DLC1: variants seen among roughly 807,000 people sequenced by gnomAD.
The protein encoded by DLC1 is rho GTPase-activating protein 7.
In DLC1, 54 loss-of-function variants were observed where a neutral mutation model predicts 140.3. The observed-to-expected ratio is 0.38, with a 90% CI of 0.31 to 0.48. The LOEUF (loss-of-function observed/expected upper bound fraction) is 0.48. Among genes scored for constraint, DLC1 ranks in the 20% least tolerant of loss-of-function variants. DLC1 has a pLI of 0.96. For missense variants in DLC1, 2,536 were observed against 1,907.0 expected, an observed-to-expected ratio of 1.33 and a Z score of -6.14; for synonymous variants, 986 against 728.1, an observed-to-expected ratio of 1.35 and a Z score of -5.70.
At chr8:13,159,810 G>T (rs1824540708) in intron 5 of DLC1, among the ~76,000 whole-genome samples, 1 of 150,868 alleles carries the variant, frequency 6.6e-6, no homozygotes, top group African/African-American at 2.4e-5. Context: ...GTGGCAAGAA[G>T]CAAGAAGGTA....
chr8:13,601,793 A>G (rs1025474110), intron 1 of DLC1, among the ~76,000 whole-genome samples: 1 of 151,834 alleles, frequency 6.6e-6, no homozygotes, highest in Non-Finnish European at 1.5e-5. Context: ...AAATGCAATC[A>G]TATATAACAA....
chr8:13,451,747 T>C (rs1259163486), intron 2 of DLC1, among the ~76,000 whole-genome samples: 1 of 152,218 alleles, frequency 6.6e-6, no homozygotes, highest in Non-Finnish European at 1.5e-5. Context: ...ATGGGGCACA[T>C]GTTCTTTATT....
At chr8:13,364,430 C>G (rs1835386606) in intron 4 of DLC1, among the ~76,000 whole-genome samples, 1 of 152,060 alleles carries the variant, frequency 6.6e-6, no homozygotes, top group Non-Finnish European at 1.5e-5. Flanking sequence ...TCCTGAGTAG[C>G]TGAGATTACA....
At chr8:13,249,414 C>G (rs1471347217) in intron 5 of DLC1, among the ~76,000 whole-genome samples, 2 of 152,132 alleles carry the variant, frequency 1.3e-5, no homozygotes, top group Non-Finnish European at 2.9e-5. Flanking sequence ...ATTGTCTCCA[C>G]TGCATTAAGA....
In DLC1 at chr8:13,102,654, G is replaced by GATATC. The variant is rs1819193589; in HGVS notation, c.1566+131_1566+135dup. 3.9e-6 allele frequency: 3 copies of GATATC among 763,378 alleles called. No homozygotes were observed. In the Admixed American group the frequency reaches 6.3e-5, roughly 16 times the overall value. The allele number at this position is 763,378 out of a possible 1,614,324, so 47.3% of individuals were successfully genotyped here. ...CTACATAAGGCTATCAAGTCTAGGC[G>GATATC]ATATCATTCAAGATGTAGATGCTTA... On this transcript the variant is annotated intron_variant, in intron 8 of 17. Coordinates refer to ENST00000276297, the MANE Select transcript of DLC1 (RefSeq NM_182643.3).
chr8:13,481,231 C>A (rs1022151263), intron 2 of DLC1, among the ~76,000 whole-genome samples: 2 of 152,114 alleles, frequency 1.3e-5, no homozygotes, highest in African/African-American at 2.4e-5. Context: ...TTGAGACCAG[C>A]CTGGGCAATA....
chr8:13,451,287 T>C (rs1799045759), intron 2 of DLC1, among the ~76,000 whole-genome samples: 1 of 152,112 alleles, frequency 6.6e-6, no homozygotes, highest in African/African-American at 2.4e-5. Flanking sequence ...TGAGATATTT[T>C]GGTACAGGCA....
chr8:13,479,716 G>A (rs1171285862), intron 2 of DLC1, among the ~76,000 whole-genome samples: 2 of 41,394 alleles, frequency 4.8e-5, no homozygotes, highest in Non-Finnish European at 1.8e-4. Context: ...GAGGCAGGAG[G>A]ATTGCTTGAG....
chr8:13,540,120 C>T (rs1252778249), intron 1 of DLC1, among the ~76,000 whole-genome samples: 1 of 152,132 alleles, frequency 6.6e-6, no homozygotes, highest in East Asian at 1.9e-4. Flanking sequence ...TGTGCTGATA[C>T]TCTATCAGTC....
intron 4 of DLC1, among the ~76,000 whole-genome samples, chr8:13,368,811 C>T (rs1224527233): frequency 6.6e-6 from 1 of 152,072 alleles, no homozygotes; most frequent in South Asian, 2.1e-4. Flanking sequence ...CCTGCTCAGT[C>T]CATCTCTGAT....
At chr8:13,545,718 C>A (rs1022931029) in intron 1 of DLC1, among the ~76,000 whole-genome samples, 2 of 151,858 alleles carry the variant, frequency 1.3e-5, no homozygotes, top group South Asian at 2.1e-4. Context: ...CCTGGCTGAA[C>A]CATTTGTGCT....
intron 4 of DLC1, among the ~76,000 whole-genome samples, chr8:13,326,823 C>A (rs113800316): frequency 1.3e-5 from 2 of 152,174 alleles, no homozygotes; most frequent in African/African-American, 4.8e-5. Flanking sequence ...CTCTAGGAAT[C>A]ATATTTTGAG....
In DLC1 at chr8:13,177,699, T is replaced by C. The variant is rs114909177; in HGVS notation, c.1349-62042A>G. ...CCTATATTTCTATTCATTTTTGCTTTTTTATATTTCAGATAGTATTCTAAT... is the reference window on the plus strand; with the variant it reads ...CCTATATTTCTATTCATTTTTGCTTCTTTATATTTCAGATAGTATTCTAAT... On this transcript the variant is annotated intron_variant, in intron 5 of 17. Transcript: ENST00000276297. Among the ~76,000 whole-genome samples, 770 of 152,330 alleles carry C rather than the reference T, an allele frequency of 5.1e-3. 3 individuals carry two copies. Among genetic ancestry groups the C allele is most frequent in the African/African-American group, 0.017 (720 of 41,564 alleles).
chr8:13,088,844 A>G, intron 15 of DLC1, 140 bp from the exon 16 acceptor site: 1 of 654,920 alleles, frequency 1.5e-6, no homozygotes, highest in South Asian at 2.2e-5. Flanking sequence ...ATACTATATA[A>G]TCAGTATATA....
chr8:13,085,738 C>T lies in DLC1; in HGVS notation c.*73G>A. The T allele has an allele frequency of 6.9e-6, 11 of 1,601,480 alleles. No individual in the cohort carries two copies. The highest frequency in any genetic ancestry group is 9.4e-6 in the Non-Finnish European group (11 of 1,173,364). Reference sequence around the variant, plus strand: ...TTGTTTCAGGATTAGACACAGAACCCATTCTTCAAGGACTGGCAAAAGTTC... The same window carrying T: ...TTGTTTCAGGATTAGACACAGAACCTATTCTTCAAGGACTGGCAAAAGTTC... On this transcript the variant is annotated 3_prime_UTR_variant, in exon 18 of 18. Transcript: ENST00000276297.
In DLC1 at chr8:13,097,097, G is replaced by C. The variant is rs117996705; in HGVS notation, c.3167+1302C>G. The stretch of plus-strand genomic sequence containing the variant: ...TTTTCAAAGTAATTATGAACAATTT[G>C]TACAATGCATTTCATCTCTACATTT... On this transcript the variant is annotated intron_variant, in intron 10 of 17. Transcript: ENST00000276297. Among the ~76,000 whole-genome samples the C allele has an allele frequency of 2.8e-3, 423 of 152,114 alleles. 7 individuals are homozygous for C. In the East Asian group the frequency reaches 0.036, roughly 13 times the overall value.
chr8:13,302,644 A>T (rs1586097698), intron 5 of DLC1, among the ~76,000 whole-genome samples: 1 of 151,444 alleles, frequency 6.6e-6, no homozygotes, highest in Non-Finnish European at 1.5e-5. Flanking sequence ...CTTGGATGAG[A>T]GGTCACACAG....
intron 1 of DLC1, among the ~76,000 whole-genome samples, chr8:13,561,167 G>A (rs908970491): frequency 6.7e-6 from 1 of 149,772 alleles, no homozygotes; most frequent in South Asian, 2.1e-4. Context: ...CTGTCAACCA[G>A]GCTGGAGTGC....
chr8:13,316,963 A>G (rs146526011), intron 4 of DLC1, among the ~76,000 whole-genome samples: 33 of 152,102 alleles, frequency 2.2e-4, no homozygotes, highest in Middle Eastern at 3.4e-3. Context: ...ATGAATGAGC[A>G]TTGAAATTTC....
Sources: allele counts gnomAD v4.1 joint callset (sites outside exome capture counted in the v4.1 genomes callset), GRCh38; gene constraint gnomAD v4.1.1; transcripts MANE v1.5; gene names NCBI Gene and HGNC (gene_info 2026-07-23, HGNC 2026-07-21).